AGO3: variants seen among roughly 807,000 people sequenced by gnomAD.
AGO3 encodes the protein argonaute RISC catalytic component 3.
Under a neutral mutation model 105.5 loss-of-function variants are expected in AGO3, and 16 were observed. That is an observed-to-expected ratio of 0.15 (90% confidence interval 0.10 to 0.23). The LOEUF is 0.23. Ranked by LOEUF, AGO3 falls within the 10% of genes least tolerant of loss-of-function variation. The probability of loss-of-function intolerance (pLI) is 1.00; values close to 1 mark genes in which losing one functional copy is unlikely to be tolerated. For synonymous variants in AGO3, 340 were observed against 367.3 expected, an observed-to-expected ratio of 0.93 and a Z score of 0.85; for missense variants, 534 against 1,088.0, an observed-to-expected ratio of 0.49 and a Z score of 7.16.
intron 11 of AGO3, among the ~76,000 whole-genome samples, chr1:36,025,780 G>A (rs1247410538): frequency 6.6e-6 from 1 of 152,126 alleles, no homozygotes; most frequent in African/African-American, 2.4e-5. Flanking sequence ...GCTCATGCCT[G>A]TAATCCCAGC....
intron 5 of AGO3, among the ~76,000 whole-genome samples, chr1:35,997,378 T>A (rs1021945310): frequency 5.9e-5 from 9 of 152,202 alleles, no homozygotes; most frequent in African/African-American, 1.9e-4. Context: ...ATTTTTCAAC[T>A]TTATGATGGT....
At chr1:35,955,391 G>C (rs886592850) in intron 2 of AGO3, among the ~76,000 whole-genome samples, 1 of 152,146 alleles carries the variant, frequency 6.6e-6, no homozygotes, top group South Asian at 2.1e-4. Context: ...ATTTGTTGGC[G>C]TGTACTACTG....
intron 11 of AGO3, among the ~76,000 whole-genome samples, chr1:36,022,686 C>T (rs1435741746): frequency 6.6e-6 from 1 of 151,928 alleles, no homozygotes; most frequent in Non-Finnish European, 1.5e-5. Flanking sequence ...AATCCCAGCA[C>T]TTTGGGAGGC....
chr1:36,006,208 G>GT (rs1388369546), intron 6 of AGO3, among the ~76,000 whole-genome samples: 1 of 151,630 alleles, frequency 6.6e-6, no homozygotes, highest in Non-Finnish European at 1.5e-5. Flanking sequence ...GTATCTATGG[G>GT]TTTTTTAGCT....
rs778903917 is a variant in AGO3 at position 36,055,157 on chromosome 1, G to C, written c.2474+12G>C. The stretch of plus-strand genomic sequence containing the variant: ...AAAGAACATGACAGGTAATATAAAA[G>C]CATAACAGGTTCTCACCCAAATCCC... On this transcript the variant is annotated intron_variant, in intron 18 of 18. Transcript: ENST00000373191. This position sits in a 1 kb window ranked among gnomAD's most constrained non-coding sequence, Gnocchi z 4.4. The C allele has an allele frequency of 5.9e-5, 93 of 1,576,600 alleles. No homozygotes were observed. The highest frequency in any genetic ancestry group is 7.9e-5 in the Non-Finnish European group (92 of 1,159,636).
In AGO3 at chr1:36,039,876, G is replaced by C. The variant is rs770936715; in HGVS notation, c.1929G>C (p.Leu643Phe). The part of the protein sequence containing the change: ...QRPRQEIIQD[L>F]ASMVRELLIQ... ...CCCGACAGGAGATCATCCAGGACTTGGCCTCCATGGTCCGGGAACTTCTTA... is the reference window on the plus strand; with the variant it reads ...CCCGACAGGAGATCATCCAGGACTTCGCCTCCATGGTCCGGGAACTTCTTA... The change falls in exon 15 of 19, where the codon TTG (leucine) becomes TTC (phenylalanine). Residue 643 changes from leucine to phenylalanine, a missense_variant. Physicochemically the swap from Leu to Phe is conservative, Grantham distance 22. Transcript: ENST00000373191. 14 of 1,613,770 alleles carry C rather than the reference G, an allele frequency of 8.7e-6. No individual in the cohort carries two copies. The highest frequency in any genetic ancestry group is 2.7e-5 in the African/African-American group (2 of 74,844).
At chr1:35,977,016 C>A (rs1238345111) in intron 5 of AGO3, among the ~76,000 whole-genome samples, 2 of 150,814 alleles carry the variant, frequency 1.3e-5, no homozygotes, top group African/African-American at 4.9e-5. Context: ...GTTTGGTTTG[C>A]TAGGTAGCTG....
chr1:36,004,447 T>C lies in AGO3; in HGVS notation c.765T>C (p.His255=). 1 of 1,603,036 alleles carries C rather than the reference T, an allele frequency of 6.2e-7. No homozygotes were observed. Among genetic ancestry groups the C allele is most frequent in the Non-Finnish European group, 8.5e-7 (1 of 1,173,248 alleles). The change falls in exon 6 of 19, where the codon CAT becomes CAC. Residue 255 remains histidine, a synonymous_variant. Transcript: ENST00000373191. ...AACCAAGACCTCTGACTGATTCTCA[T>C]CGGGTAAAATTCACCAAAGAGATAA... ...DEQPRPLTDS[H]RVKFTKEIKG...
At position 36,009,255 on chromosome 1, in the gene AGO3, G is replaced by T. The variant is rs1640478022; in HGVS notation, c.1029+211G>T. 4 of 813,744 alleles carry T rather than the reference G, an allele frequency of 4.9e-6. No individual in the cohort carries two copies. The South Asian group carries it at 7.2e-5, about 15-fold the overall frequency. 50.4% of individuals were successfully genotyped at this position (813,744 alleles called of 1,614,324 possible). A position where few individuals can be genotyped will look rare whatever the true frequency, so the allele number is the denominator to read the frequency against. On this transcript the variant is annotated intron_variant, in intron 8 of 18. Coordinates refer to ENST00000373191, the MANE Select transcript of AGO3 (RefSeq NM_024852.4). ...TAATGTAACCACTGTTAACATTTTG[G>T]TATACTATACTTCTTTCAGTCTTCA...
chr1:36,051,063 C>T (rs1373762046), intron 17 of AGO3, among the ~76,000 whole-genome samples: 1 of 152,076 alleles, frequency 6.6e-6, no homozygotes, highest in African/African-American at 2.4e-5. Context: ...AGTCCACCTA[C>T]CTTGGCCTCC....
At chr1:35,955,792 G>A (rs1183861959) in intron 2 of AGO3, among the ~76,000 whole-genome samples, 1 of 151,850 alleles carries the variant, frequency 6.6e-6, no homozygotes, top group Admixed American at 6.6e-5. Flanking sequence ...ATGGGATTTC[G>A]CCATGTTGCC....
intron 1 of AGO3, among the ~76,000 whole-genome samples, chr1:35,943,902 G>A (rs1466328866): frequency 6.6e-6 from 1 of 152,086 alleles, no homozygotes; most frequent in African/African-American, 2.4e-5. Flanking sequence ...TGCCCGGCCT[G>A]TCTTATTTCA....
At chr1:36,028,550 C>T (rs1048963622) in intron 12 of AGO3, among the ~76,000 whole-genome samples, 1 of 151,966 alleles carries the variant, frequency 6.6e-6, no homozygotes, top group Non-Finnish European at 1.5e-5. Flanking sequence ...CCAATTTCAT[C>T]CATGTCCCTA....
At chr1:36,010,934 A>G (rs1569767332) in intron 9 of AGO3, among the ~76,000 whole-genome samples, 2 of 137,500 alleles carry the variant, frequency 1.5e-5, no homozygotes, top group African/African-American at 2.6e-5. Flanking sequence ...AGAGAGAGGG[A>G]GGGAGGGAGG....
intron 9 of AGO3, among the ~76,000 whole-genome samples, chr1:36,012,208 C>T (rs948072706): frequency 2.6e-5 from 4 of 151,764 alleles, no homozygotes; most frequent in Non-Finnish European, 5.9e-5. Flanking sequence ...GTGGCATGCA[C>T]CTATAGTCCC....
At chr1:36,043,836 G>A (rs1245565239) in intron 17 of AGO3, among the ~76,000 whole-genome samples, 2 of 151,880 alleles carry the variant, frequency 1.3e-5, no homozygotes, top group African/African-American at 4.8e-5. Flanking sequence ...GAAAGTACCT[G>A]ATTGTTCCTT....
At chr1:36,038,507 G>C (rs1048365350) in intron 14 of AGO3, among the ~76,000 whole-genome samples, 1 of 151,922 alleles carries the variant, frequency 6.6e-6, no homozygotes, top group Non-Finnish European at 1.5e-5. Flanking sequence ...CGCCCACCTC[G>C]GCCTCCCAAA....
chr1:36,026,506 T>A (rs891785629), intron 11 of AGO3, among the ~76,000 whole-genome samples: 3 of 152,216 alleles, frequency 2.0e-5, no homozygotes, highest in Admixed American at 6.5e-5. Context: ...ACTATAGAAA[T>A]TCTGGCTCTA....
chr1:36,040,967 G>A (rs1642218483), intron 16 of AGO3, among the ~76,000 whole-genome samples: 1 of 151,014 alleles, frequency 6.6e-6, no homozygotes, highest in Non-Finnish European at 1.5e-5. Flanking sequence ...CAGCTACTCG[G>A]GAGACTGAGG....
Sources: gnomAD v4.1 joint callset for allele counts (sites outside exome capture counted in the v4.1 genomes callset) on GRCh38, gnomAD v4.1.1 for gene constraint, Gnocchi (gnomAD v3.1) non-coding constraint, MANE v1.5 for transcripts, NCBI Gene and HGNC (gene_info 2026-07-23, HGNC 2026-07-21) for gene names.